NCOA3: variants seen among roughly 807,000 people sequenced by gnomAD.
NCOA3 encodes CBP-interacting protein.
Under a neutral mutation model 158.8 loss-of-function variants are expected in NCOA3, and 51 were observed. The ratio of observed to expected loss-of-function variants is 0.32; its 90% CI spans 0.26 to 0.41. The LOEUF is 0.41. Among genes scored for constraint, NCOA3 ranks in the 10% least tolerant of loss-of-function variants. The pLI, the probability that NCOA3 is intolerant of heterozygous loss-of-function variation, is 1.00. For synonymous variants in NCOA3, 537 were observed against 592.4 expected (o/e 0.91, Z 1.36); for missense variants, 1,510 against 1,746.6 (o/e 0.86, Z 2.41).
rs549532614 is a variant in NCOA3, at chr20:47,552,230, T to G, written c.-98-30953T>G. ...GCATTTTGTGTTAGTATTGATGAAC[T>G]GTATGTTTTTGAATATTGAGTTTTA... On this transcript the variant is annotated intron_variant, in intron 1 of 22. Transcript: ENST00000371998. 8.5e-5 allele frequency among the ~76,000 whole-genome samples: 13 copies of G among 152,350 alleles called. No homozygotes were observed. In the South Asian group the frequency reaches 2.7e-3, roughly 32 times the overall value.
At chr20:47,625,581 A>G in intron 5 of NCOA3, 100 bp downstream of exon 5, 1 of 812,456 alleles carries the variant, frequency 1.2e-6, no homozygotes, top group Admixed American at 2.6e-5. Flanking sequence ...AAATGAGAAC[A>G]AAAAGAAAAC....
At chr20:47,526,170 G>T (rs1033055509) in intron 1 of NCOA3, among the ~76,000 whole-genome samples, 3 of 150,086 alleles carry the variant, frequency 2.0e-5, no homozygotes, top group Non-Finnish European at 4.4e-5. Context: ...ATGGGCGGCC[G>T]GGCAGAGACG....
intron 16 of NCOA3, among the ~76,000 whole-genome samples, chr20:47,641,397 G>A (rs7272183): frequency 0.11 from 15,353 of 145,886 alleles, 1,048 homozygotes; most frequent in Middle Eastern, 0.19. Flanking sequence ...GTGCAATCTC[G>A]GCTCAAGGAT....
At chr20:47,592,127 C>T (rs1311926489) in intron 2 of NCOA3, among the ~76,000 whole-genome samples, 1 of 152,202 alleles carries the variant, frequency 6.6e-6, no homozygotes, top group Non-Finnish European at 1.5e-5. Flanking sequence ...ACTGCAACCT[C>T]CGCCTCCTGG....
At chr20:47,554,411 T>C (rs896000630) in intron 1 of NCOA3, among the ~76,000 whole-genome samples, 15 of 152,182 alleles carry the variant, frequency 9.9e-5, no homozygotes, top group African/African-American at 2.9e-4. Context: ...TAATTAGATC[T>C]CATTTGTCAA....
rs199592142 is a variant in NCOA3, at chr20:47,549,398, T to TA, written c.-98-33776dup. Reference sequence around the variant, plus strand: ...AAAAATTAGCTGGGCATGATGTGGTTAAAAAAAAATTTATCTGGGCACAGG... The same window carrying TA: ...AAAAATTAGCTGGGCATGATGTGGTTAAAAAAAAAATTTATCTGGGCACAGG... On this transcript the variant is annotated intron_variant, in intron 1 of 22. Transcript: ENST00000371998. Among the ~76,000 whole-genome samples the TA allele has an allele frequency of 9.4e-4, 141 of 150,262 alleles. 1 individual carries two copies. Among genetic ancestry groups the TA allele is most frequent in the Admixed American group, 4.7e-3 (71 of 15,024 alleles).
chr20:47,597,513 G>C (rs914754701), intron 2 of NCOA3, among the ~76,000 whole-genome samples: 12 of 150,452 alleles, frequency 8.0e-5, no homozygotes, highest in African/African-American at 2.9e-4. Flanking sequence ...GGGGGAGATG[G>C]AGTTTCGCTC....
chr20:47,547,608 C>T (rs960073280), intron 1 of NCOA3, among the ~76,000 whole-genome samples: 2 of 151,862 alleles, frequency 1.3e-5, no homozygotes, highest in African/African-American at 4.8e-5. Context: ...TTAGTAGAGA[C>T]AGGGTTTCAC....
chr20:47,569,376 T>G (rs984595831), intron 1 of NCOA3, among the ~76,000 whole-genome samples: 13 of 150,654 alleles, frequency 8.6e-5, no homozygotes, highest in African/African-American at 2.9e-4. Flanking sequence ...CAATAAAAAA[T>G]AAATAATTTT....
chr20:47,618,159 C>T (rs1031325916), intron 2 of NCOA3, among the ~76,000 whole-genome samples: 1 of 151,986 alleles, frequency 6.6e-6, no homozygotes, highest in Non-Finnish European at 1.5e-5. Flanking sequence ...CATTTGAACC[C>T]GGGAGGCGGA....
rs1394898050 is a variant in NCOA3, at chr20:47,512,393, A to AC, written c.-99+10375dup. On this transcript the variant is annotated intron_variant, in intron 1 of 22. Coordinates refer to ENST00000371998, the MANE Select transcript of NCOA3 (RefSeq NM_181659.3). ...AGACCATCCTGGCCAACATGGTGAGACACCGTCTCTACTGAAAATAAAAAA... is the reference window on the plus strand; with the variant it reads ...AGACCATCCTGGCCAACATGGTGAGACCACCGTCTCTACTGAAAATAAAAAA... Among the ~76,000 whole-genome samples the AC allele has an allele frequency of 5.9e-5, 9 of 151,796 alleles. No homozygotes were observed. In the South Asian group the frequency reaches 1.7e-3, roughly 28 times the overall value.
At chr20:47,570,984 A>ATGTGTGTGTGTGTGTG (rs74178747) in intron 1 of NCOA3, among the ~76,000 whole-genome samples, 2,347 of 120,636 alleles carry the variant, frequency 0.019, 34 homozygotes, top group South Asian at 0.026. Flanking sequence ...ATATACATAT[A>ATGTGTGTGTGTGTGTG]TGTGTGTGTG....
intron 2 of NCOA3, among the ~76,000 whole-genome samples, chr20:47,603,505 T>C (rs2085897622): frequency 6.6e-6 from 1 of 152,240 alleles, no homozygotes; most frequent in South Asian, 2.1e-4. Flanking sequence ...TTGCCGACCA[T>C]GGACGGCTTA....
intron 1 of NCOA3, among the ~76,000 whole-genome samples, chr20:47,577,521 A>T (rs1373271418): frequency 1.3e-5 from 2 of 152,146 alleles, no homozygotes; most frequent in African/African-American, 2.4e-5. Flanking sequence ...TCTTCCTTTT[A>T]TCCATGGTGT....
At chr20:47,530,887 C>T (rs2084534054) in intron 1 of NCOA3, among the ~76,000 whole-genome samples, 1 of 152,274 alleles carries the variant, frequency 6.6e-6, no homozygotes, top group South Asian at 2.1e-4. Context: ...GTGTTATTAT[C>T]CAACTTTTCT....
chr20:47,554,023 A>G (rs1049607888), intron 1 of NCOA3, among the ~76,000 whole-genome samples: 4 of 152,172 alleles, frequency 2.6e-5, no homozygotes, highest in Non-Finnish European at 5.9e-5. Flanking sequence ...CAACAGTGTA[A>G]AAGTGTTCCT....
intron 1 of NCOA3, among the ~76,000 whole-genome samples, chr20:47,520,255 C>T (rs2084306851): frequency 6.8e-6 from 1 of 147,708 alleles, no homozygotes; most frequent in Non-Finnish European, 1.5e-5. Flanking sequence ...GAACAGGGTA[C>T]ACTGTTTTCT....
chr20:47,525,859 TCCCGGA>T (rs2084432665), intron 1 of NCOA3, among the ~76,000 whole-genome samples: 2 of 122,764 alleles, frequency 1.6e-5, no homozygotes, highest in African/African-American at 6.3e-5. Context: ...GCCCCTCACT[TCCCGGA>T]TGGGGCGGCT....
intron 3 of NCOA3, among the ~76,000 whole-genome samples, chr20:47,623,196 A>G (rs776971334): frequency 2.6e-5 from 4 of 152,254 alleles, no homozygotes; most frequent in Admixed American, 6.5e-5. Flanking sequence ...GTCAGTGTCA[A>G]TTGAAGTTTA....
Sources: allele counts gnomAD v4.1 joint callset (sites outside exome capture counted in the v4.1 genomes callset), GRCh38; gene constraint gnomAD v4.1.1; transcripts MANE v1.5; gene names NCBI Gene and HGNC (gene_info 2026-07-23, HGNC 2026-07-21).